Variants in RGS7 observed in about 807,000 individuals in gnomAD.
RGS7 encodes the protein regulator of G-protein signaling 7.
Under a neutral mutation model 81.1 loss-of-function variants are expected in RGS7, and 27 were observed. The ratio of observed to expected loss-of-function variants is 0.33; its 90% CI spans 0.25 to 0.46. The LOEUF is 0.46. Among genes scored for constraint, RGS7 ranks in the 20% least tolerant of loss-of-function variants. The pLI is 1.00. For missense variants in RGS7, 396 were observed against 607.4 expected (o/e 0.65, Z 3.66); for synonymous variants, 208 against 207.7 (o/e 1.00, Z -0.01).
rs1486814233 is a variant in RGS7 at position 241,163,914 on chromosome 1, G to A, written c.79-65152C>T. On this transcript the variant is annotated intron_variant, in intron 2 of 18. Transcript: ENST00000440928. The surrounding 1 kb of genome is among the most constrained non-coding windows in gnomAD (Gnocchi z 4.6). ...GTTCCACTCTGACACTCTCTTCCTG[G>A]AGATAGCGTCAGATCCCACAGGTTG... Among the ~76,000 whole-genome samples the A allele has an allele frequency of 6.6e-6, 1 of 152,126 alleles. No homozygotes were observed. Among genetic ancestry groups the A allele is most frequent in the Admixed American group, 6.5e-5 (1 of 15,268 alleles).
At chr1:241,094,923 C>T (rs944823158) in intron 3 of RGS7, among the ~76,000 whole-genome samples, 18 of 152,188 alleles carry the variant, frequency 1.2e-4, no homozygotes, top group Admixed American at 1.1e-3. Context: ...TCCCACAAAG[C>T]TGTTGACAGC....
rs149520218 is a variant in RGS7, at chr1:240,873,905, C to T, written c.386-3786G>A. On this transcript the variant is annotated intron_variant, in intron 6 of 18. Transcript: ENST00000440928. ...TTCTCTTTTAATGTTTAGTTTGTGG[C>T]TAATTCTTCTCTTGTTCCTGAATTT... is the stretch of plus-strand genomic sequence containing the variant. Among the ~76,000 whole-genome samples, 14 of 151,930 alleles carry T rather than the reference C, an allele frequency of 9.2e-5. No homozygotes were observed. In the East Asian group the frequency reaches 2.5e-3, roughly 27 times the overall value.
chr1:241,264,919 T>C (rs540484356), intron 2 of RGS7, among the ~76,000 whole-genome samples: 1 of 152,336 alleles, frequency 6.6e-6, no homozygotes, highest in Admixed American at 6.5e-5. Context: ...TCCAGCGGCC[T>C]AACTGCAAGT....
At chr1:241,175,639 C>T (rs1350337332) in intron 2 of RGS7, among the ~76,000 whole-genome samples, 1 of 152,154 alleles carries the variant, frequency 6.6e-6, no homozygotes, top group Non-Finnish European at 1.5e-5. Context: ...TACAAGCATT[C>T]ACAGAAAGGA....
At chr1:241,122,492 A>T (rs966014126) in intron 2 of RGS7, among the ~76,000 whole-genome samples, 26 of 152,006 alleles carry the variant, frequency 1.7e-4, no homozygotes, top group Admixed American at 2.0e-4. Flanking sequence ...GTGAAACCCC[A>T]TCTCTACTAA....
At chr1:240,801,699 T>C (rs568921266) in intron 16 of RGS7, among the ~76,000 whole-genome samples, 191 bp from the exon 17 acceptor site, 1 of 152,288 alleles carries the variant, frequency 6.6e-6, no homozygotes, top group Non-Finnish European at 1.5e-5. Context: ...GGACATGGGC[T>C]CTGCTTACAC....
At chr1:241,015,245 C>A (rs1314338385) in intron 3 of RGS7, among the ~76,000 whole-genome samples, 1 of 151,962 alleles carries the variant, frequency 6.6e-6, no homozygotes, top group African/African-American at 2.4e-5. Context: ...TTTTATTGTA[C>A]CCGAAATTTC....
At chr1:241,327,349 T>C (rs536675267) in intron 2 of RGS7, among the ~76,000 whole-genome samples, 50 of 152,268 alleles carry the variant, frequency 3.3e-4, no homozygotes, top group African/African-American at 1.1e-3. Context: ...AAACTGTTTA[T>C]TATGAATGTT....
At chr1:241,321,368 C>G (rs117267325) in intron 2 of RGS7, among the ~76,000 whole-genome samples, 1 of 152,152 alleles carries the variant, frequency 6.6e-6, no homozygotes, top group Non-Finnish European at 1.5e-5. Context: ...TTTATCCTCA[C>G]AGCTTTCTGT....
At chr1:240,877,465 A>G (rs1318043844) in intron 6 of RGS7, among the ~76,000 whole-genome samples, 4 of 151,906 alleles carry the variant, frequency 2.6e-5, no homozygotes, top group African/African-American at 9.7e-5. Flanking sequence ...CAAAATCTAT[A>G]TGCATATATT....
At chr1:240,942,521 ACT>A (rs1677765802) in intron 4 of RGS7, among the ~76,000 whole-genome samples, 1 of 152,132 alleles carries the variant, frequency 6.6e-6, no homozygotes, top group South Asian at 2.1e-4. Context: ...CATGTTATTT[ACT>A]CTTATTTATG....
intron 2 of RGS7, among the ~76,000 whole-genome samples, chr1:241,203,842 T>A (rs146198624): frequency 2.6e-5 from 4 of 152,348 alleles, no homozygotes; most frequent in African/African-American, 9.6e-5. Flanking sequence ...GATACAGTTA[T>A]AAATTTTGAT....
intron 4 of RGS7, among the ~76,000 whole-genome samples, chr1:240,976,561 G>T (rs1408431518): frequency 6.6e-6 from 1 of 152,140 alleles, no homozygotes; most frequent in Non-Finnish European, 1.5e-5. Context: ...CCCATCAGCT[G>T]AAGGCCTTAA....
intron 6 of RGS7, among the ~76,000 whole-genome samples, chr1:240,918,486 T>A (rs996397878): frequency 6.6e-6 from 1 of 152,062 alleles, no homozygotes; most frequent in African/African-American, 2.4e-5. Flanking sequence ...AACAGTACAC[T>A]TCTAAACAAC....
intron 2 of RGS7, among the ~76,000 whole-genome samples, chr1:241,337,200 A>C (rs1256746929): frequency 6.6e-6 from 1 of 152,090 alleles, no homozygotes; most frequent in Non-Finnish European, 1.5e-5. Context: ...GGTTCTCAAA[A>C]CATTTCTTTT....
intron 3 of RGS7, among the ~76,000 whole-genome samples, chr1:241,033,641 G>A (rs2148737905): frequency 1.3e-5 from 2 of 151,936 alleles, no homozygotes; most frequent in Admixed American, 1.3e-4. Flanking sequence ...CATTTAATAT[G>A]TTATGGTGAT....
chr1:241,148,681 G>T (rs974599183), intron 2 of RGS7, among the ~76,000 whole-genome samples: 1 of 152,198 alleles, frequency 6.6e-6, no homozygotes, highest in Admixed American at 6.5e-5. Context: ...AAGGCTGGTG[G>T]TTGCTAACCA....
At chr1:240,967,248 C>T (rs1485583863) in intron 4 of RGS7, among the ~76,000 whole-genome samples, 1 of 152,136 alleles carries the variant, frequency 6.6e-6, no homozygotes, top group Non-Finnish European at 1.5e-5. Flanking sequence ...CTTTTTCTTC[C>T]ACTAGGAGTC....
At chr1:240,888,095 A>G (rs1471357311) in intron 6 of RGS7, among the ~76,000 whole-genome samples, 1 of 152,230 alleles carries the variant, frequency 6.6e-6, no homozygotes, top group African/African-American at 2.4e-5. Flanking sequence ...TTATAGAGAA[A>G]TACTAAGCAA....
Sources: gnomAD v4.1 joint callset for allele counts (sites outside exome capture counted in the v4.1 genomes callset) on GRCh38, gnomAD v4.1.1 for gene constraint, Gnocchi (gnomAD v3.1) non-coding constraint, MANE v1.5 for transcripts, NCBI Gene and HGNC (gene_info 2026-07-23, HGNC 2026-07-21) for gene names.